The following NRG4 variants were observed in gnomAD, a reference collection of about 807,000 sequenced individuals.
NRG4 encodes neuregulin 4, also known as pro-neuregulin-4, membrane-bound isoform.
A neutral mutation model predicts 15.0 loss-of-function variants in NRG4; 10 were observed. The observed-to-expected ratio is 0.67, with a 90% CI of 0.41 to 1.13. The LOEUF is 1.13. Ranked by LOEUF, NRG4 falls within the 50% of genes most tolerant of loss-of-function variation. The pLI is 0.00. For missense variants in NRG4, 139 were observed against 140.2 expected (o/e 0.99, Z 0.04); for synonymous variants, 41 against 50.1 (o/e 0.82, Z 0.77).
At chr15:75,976,016 C>T (rs1373229288) in intron 3 of NRG4, among the ~76,000 whole-genome samples, 1 of 152,190 alleles carries the variant, frequency 6.6e-6, no homozygotes, top group Non-Finnish European at 1.5e-5. Flanking sequence ...GGTCTTTTCA[C>T]ATAGTCCCAT....
chr15:75,968,227 T>C (rs931365605), intron 3 of NRG4, among the ~76,000 whole-genome samples: 17 of 152,100 alleles, frequency 1.1e-4, no homozygotes, highest in Admixed American at 4.6e-4. Flanking sequence ...CAAAATCGAG[T>C]CTTTACTCTC....
chr15:76,012,726 A>C (rs764500133), upstream of NRG4, among the ~76,000 whole-genome samples: 1 of 152,158 alleles, frequency 6.6e-6, no homozygotes, highest in Non-Finnish European at 1.5e-5. Flanking sequence ...CTAATAGATA[A>C]GTGTTTCACA....
chr15:75,993,754 C>T (rs1313120269), intron 3 of NRG4, among the ~76,000 whole-genome samples: 1 of 152,022 alleles, frequency 6.6e-6, no homozygotes, highest in Non-Finnish European at 1.5e-5. Context: ...TTCAAGTACA[C>T]CTACTCTTTC....
At chr15:75,984,568 A>G (rs1481713484) in intron 3 of NRG4, among the ~76,000 whole-genome samples, 13 of 152,276 alleles carry the variant, frequency 8.5e-5, no homozygotes, top group Admixed American at 7.8e-4. Flanking sequence ...GTTCTCACTC[A>G]TAAGTGGGAG....
chr15:75,959,974 G>A (rs563515248), intron 4 of NRG4, among the ~76,000 whole-genome samples: 1 of 152,240 alleles, frequency 6.6e-6, no homozygotes, highest in South Asian at 2.1e-4. Context: ...GTCCTTAAGT[G>A]ACTATGATTA....
Position 75,955,792 on chromosome 15 carries a change from CAAAA to C in NRG4, c.331+136_331+139del, listed in dbSNP as rs11341073. ...TTTTATGTGAAAAAGGGTACCTGGC[CAAAA>C]AAAAAAAAAAAAACCCATAGAAAAG... On this transcript the variant is annotated intron_variant, in intron 5 of 5. Transcript: ENST00000394907. 424 of 302,226 alleles carry C rather than the reference CAAAA, an allele frequency of 1.4e-3. 1 individual carries two copies. Among genetic ancestry groups the C allele is most frequent in the South Asian group, 2.1e-3 (36 of 17,084 alleles). The allele number at this position is 302,226 out of a possible 1,614,324, so 18.7% of individuals were successfully genotyped here. A position where few individuals can be genotyped will look rare whatever the true frequency, so the allele number is the denominator to read the frequency against.
intron 3 of NRG4, among the ~76,000 whole-genome samples, chr15:76,007,450 G>A: frequency 7.7e-6 from 1 of 130,698 alleles, no homozygotes; most frequent in Admixed American, 8.1e-5. Flanking sequence ...TTTTTTTTGA[G>A]ACGGAGTCTC....
At chr15:75,969,905 C>T (rs1783174435) in intron 3 of NRG4, among the ~76,000 whole-genome samples, 1 of 152,126 alleles carries the variant, frequency 6.6e-6, no homozygotes, top group African/African-American at 2.4e-5. Context: ...TATTTCCATT[C>T]TTAAGGTGTT....
chr15:75,951,324 C>T lies in NRG4; in HGVS notation c.331+4608G>A, dbSNP rs185541847. On this transcript the variant is annotated intron_variant, in intron 5 of 5. Transcript: ENST00000394907. ...CTGGGATTACAGGCGCCTGCCACCACGCCCAGCTAGTTTTTGTATTTTTAG... is the reference window on the plus strand; with the variant it reads ...CTGGGATTACAGGCGCCTGCCACCATGCCCAGCTAGTTTTTGTATTTTTAG... 4.0e-5 allele frequency among the ~76,000 whole-genome samples: 6 copies of T among 151,834 alleles called. No individual in the cohort carries two copies. The East Asian group carries it at 5.8e-4, about 15-fold the overall frequency.
At chr15:75,938,798 C>T (rs1001224629), downstream of NRG4, 1 of 152,044 alleles carries the variant, frequency 6.6e-6, no homozygotes, top group African/African-American at 2.4e-5. Context: ...TGAACCACAA[C>T]AGGATGTAGT....
chr15:75,978,124 G>C (rs926271073), intron 3 of NRG4, among the ~76,000 whole-genome samples: 15 of 152,008 alleles, frequency 9.9e-5, no homozygotes, highest in African/African-American at 3.4e-4. Context: ...GCCTCTTCTA[G>C]CTATTTTGAA....
chr15:75,935,433 A>ATACT (rs1595921933), downstream of NRG4: 1 of 152,188 alleles, frequency 6.6e-6, no homozygotes, highest in Non-Finnish European at 1.5e-5. Flanking sequence ...ACATTTAAAA[A>ATACT]TACTTATTTC....
chr15:76,036,221 T>C (rs1268385628), intron 4 of NRG4, among the ~76,000 whole-genome samples: 2 of 152,230 alleles, frequency 1.3e-5, no homozygotes, highest in Non-Finnish European at 2.9e-5. Context: ...ATGTGGTCTT[T>C]TGAATAACAG....
Position 76,011,249 on chromosome 15 carries a change from T to G in NRG4, c.-19A>C, listed in dbSNP as rs2034799191. The G allele has an allele frequency of 6.9e-7, 1 of 1,448,142 alleles. No homozygotes were observed. The highest frequency in any genetic ancestry group is 9.2e-7 in the Non-Finnish European group (1 of 1,092,524). 89.7% of individuals were successfully genotyped at this position (1,448,142 alleles called of 1,614,324 possible). On this transcript the variant is annotated 5_prime_UTR_variant, in exon 2 of 6. An upstream open reading frame in the 5' UTR loses its in-frame stop. Coordinates refer to ENST00000394907, the MANE Select transcript of NRG4 (RefSeq NM_138573.4). ...TTGGCATCTTAATTTGTAAATAGTT[T>G]CATTCTTGGTCAAGAGAGTAGGGTT...
chr15:75,942,633 C>T lies in NRG4; in HGVS notation c.*1005G>A, dbSNP rs904721460. ...CTAGTGACCCACTGAATTCACAGCA[C>T]TTACACTGGGCCAGACTGTGTAGAG... On this transcript the variant is annotated 3_prime_UTR_variant, in exon 6 of 6. Transcript: ENST00000394907. 10 of 152,194 alleles carry T rather than the reference C, an allele frequency of 6.6e-5. No homozygotes were observed. The highest frequency in any genetic ancestry group is 2.2e-4 in the African/African-American group (9 of 41,440). 9.4% of individuals were successfully genotyped at this position (152,194 alleles called of 1,614,324 possible). A position where few individuals can be genotyped will look rare whatever the true frequency, so the allele number is the denominator to read the frequency against.
intron 4 of NRG4, among the ~76,000 whole-genome samples, chr15:76,042,687 G>A (rs925125490): frequency 6.6e-6 from 1 of 152,018 alleles, no homozygotes; most frequent in Non-Finnish European, 1.5e-5. Flanking sequence ...ACAAAGGAAA[G>A]CCGGAGACCT....
chr15:76,052,015 A>T (rs1387534527), intron 4 of NRG4: 1 of 151,088 alleles, frequency 6.6e-6, no homozygotes, highest in Non-Finnish European at 1.5e-5. Context: ...TATAATTAAC[A>T]AATTATGGCT....
chr15:76,015,628 G>A (rs998894725), upstream of NRG4, among the ~76,000 whole-genome samples: 2 of 152,170 alleles, frequency 1.3e-5, no homozygotes, highest in Non-Finnish European at 2.9e-5. Context: ...CATTGGTTCT[G>A]TTTATGTGAT....
chr15:76,025,644 G>A (rs2141934160), intron 5 of NRG4, among the ~76,000 whole-genome samples: 1 of 152,230 alleles, frequency 6.6e-6, no homozygotes, highest in East Asian at 1.9e-4. Context: ...GGGAGGCCAA[G>A]ACTGGTAGAT....
Sources: gnomAD v4.1 joint callset for allele counts (sites outside exome capture counted in the v4.1 genomes callset) on GRCh38, gnomAD v4.1.1 for gene constraint, MANE v1.5 for transcripts, NCBI Gene and HGNC (gene_info 2026-07-23, HGNC 2026-07-21) for gene names.